The following DLGAP1 variants were observed in gnomAD, a reference collection of about 807,000 sequenced individuals.
DLGAP1 encodes disks large-associated protein 1.
DLGAP1 carries 11 observed loss-of-function variants against 90.8 expected under a neutral mutation model. That is an observed-to-expected ratio of 0.12 (90% CI 0.08 to 0.20). The LOEUF is 0.20. DLGAP1 is among the 10% of genes least tolerant of loss of function. The pLI is 1.00. For missense variants in DLGAP1, 1,050 were observed against 1,333.8 expected (o/e 0.79, Z 3.31); for synonymous variants, 558 against 540.7 (o/e 1.03, Z -0.44).
chr18:4,058,342 A>G (rs914184766), intron 2 of DLGAP1, among the ~76,000 whole-genome samples: 1 of 152,142 alleles, frequency 6.6e-6, no homozygotes, highest in African/African-American at 2.4e-5. Flanking sequence ...ACTCCCTTTC[A>G]TATGTCTGTT....
chr18:4,206,548 G>A (rs912752264), intron 1 of DLGAP1, among the ~76,000 whole-genome samples: 25 of 152,152 alleles, frequency 1.6e-4, no homozygotes, highest in African/African-American at 5.8e-4. Context: ...AAGAAACCGT[G>A]TCTTCCAGTC....
intron 4 of DLGAP1, among the ~76,000 whole-genome samples, chr18:3,872,230 A>G (rs2070796116): frequency 2.1e-5 from 3 of 145,264 alleles, no homozygotes; most frequent in South Asian, 4.2e-4. Flanking sequence ...CAAGACAAAA[A>G]AAAAAAAAAA....
intron 3 of DLGAP1, among the ~76,000 whole-genome samples, chr18:3,916,730 C>T (rs752343723): frequency 6.6e-6 from 1 of 152,170 alleles, no homozygotes; most frequent in Non-Finnish European, 1.5e-5. Flanking sequence ...TTAGGCTTCA[C>T]CGCCTCCTAC....
At chr18:3,657,663 C>T (rs187699745) in intron 7 of DLGAP1, among the ~76,000 whole-genome samples, 1,810 of 146,822 alleles carry the variant, frequency 0.012, 41 homozygotes, top group African/African-American at 0.043. Flanking sequence ...AGTGCAGTGG[C>T]GCGATCTCGG....
chr18:3,596,663 C>T (rs1024562601), intron 7 of DLGAP1: 3 of 351,064 alleles, frequency 8.5e-6, no homozygotes, highest in Non-Finnish European at 1.1e-5. Flanking sequence ...CCACAGCACA[C>T]GCGTGGCTCA....
chr18:3,864,991 T>C (rs918792623), intron 4 of DLGAP1, among the ~76,000 whole-genome samples: 1 of 152,038 alleles, frequency 6.6e-6, no homozygotes, highest in East Asian at 1.9e-4. Flanking sequence ...CTGGGATATA[T>C]GAGGCTCATG....
chr18:4,340,238 C>A (rs62085608), intron 1 of DLGAP1, among the ~76,000 whole-genome samples: 10,900 of 152,084 alleles, frequency 0.072, 416 homozygotes, highest in Non-Finnish European at 0.081. Flanking sequence ...GATAGTTGGT[C>A]TGATAACTGA....
intron 1 of DLGAP1, among the ~76,000 whole-genome samples, chr18:4,382,520 G>A (rs1252700079): frequency 1.4e-5 from 2 of 143,252 alleles, no homozygotes; most frequent in Non-Finnish European, 3.0e-5. Flanking sequence ...TTACTTCTTG[G>A]TATGAAACTG....
chr18:4,037,054 C>A (rs2074899900), intron 2 of DLGAP1, among the ~76,000 whole-genome samples: 1 of 152,104 alleles, frequency 6.6e-6, no homozygotes, highest in African/African-American at 2.4e-5. Flanking sequence ...GCCACAGACT[C>A]TTTGCTCATT....
intron 2 of DLGAP1, among the ~76,000 whole-genome samples, chr18:4,118,581 TG>T (rs1380665939): frequency 6.6e-6 from 1 of 152,026 alleles, no homozygotes; most frequent in East Asian, 1.9e-4. Context: ...TTCTGTAAAA[TG>T]GGGCTGGAAG....
intron 4 of DLGAP1, among the ~76,000 whole-genome samples, chr18:3,854,981 T>C (rs558686447): frequency 6.6e-6 from 1 of 152,308 alleles, no homozygotes; most frequent in Admixed American, 6.5e-5. Context: ...CTCAAAGTCC[T>C]GTTCTTAAAG....
intron 3 of DLGAP1, chr18:3,977,847 C>A: frequency 2.6e-6 from 1 of 391,042 alleles, no homozygotes; most frequent in South Asian, 2.0e-5. Flanking sequence ...CCTCAAGGGT[C>A]CCCTCTGATG....
intron 7 of DLGAP1, among the ~76,000 whole-genome samples, chr18:3,614,852 GA>G (rs397967909): frequency 1.6e-3 from 225 of 138,136 alleles, no homozygotes; most frequent in Middle Eastern, 7.5e-3. Flanking sequence ...TCTGTCTCAA[GA>G]AAAAAAAAAA....
intron 10 of DLGAP1, among the ~76,000 whole-genome samples, chr18:3,513,120 C>A (rs1189214193): frequency 3.3e-5 from 5 of 152,182 alleles, no homozygotes; most frequent in African/African-American, 1.2e-4. Context: ...CAGAATCATG[C>A]AGCATTTGTT....
chr18:3,899,454 G>T (rs150471753), intron 3 of DLGAP1, among the ~76,000 whole-genome samples: 1 of 152,266 alleles, frequency 6.6e-6, no homozygotes, highest in African/African-American at 2.4e-5. Flanking sequence ...AGTGGCTTTG[G>T]GCAACAGCAA....
intron 1 of DLGAP1, among the ~76,000 whole-genome samples, chr18:4,326,989 CCCTGGACCTAAA>C (rs1255513368): frequency 6.6e-6 from 1 of 151,950 alleles, no homozygotes; most frequent in African/African-American, 2.4e-5. Context: ...GCACATGTAC[CCCTGGACCTAAA>C]GTCACATTTA....
At chr18:3,709,103 T>C (rs962292199) in intron 7 of DLGAP1, among the ~76,000 whole-genome samples, 1 of 152,218 alleles carries the variant, frequency 6.6e-6, no homozygotes, top group African/African-American at 2.4e-5. Context: ...GGAAAAAACA[T>C]AGTCCTTCCT....
chr18:3,853,729 A>C (rs1313734671), intron 4 of DLGAP1, among the ~76,000 whole-genome samples: 1 of 152,062 alleles, frequency 6.6e-6, no homozygotes, highest in Non-Finnish European at 1.5e-5. Context: ...TCCAATGAGC[A>C]TTTCCTTTGA....
chr18:4,224,967 T>TC (rs1257202572), intron 1 of DLGAP1, among the ~76,000 whole-genome samples: 7 of 151,350 alleles, frequency 4.6e-5, no homozygotes, highest in African/African-American at 1.7e-4. Flanking sequence ...ATGTCACTGC[T>TC]CCCCCAGCTT....
Sources: allele counts gnomAD v4.1 joint callset (sites outside exome capture counted in the v4.1 genomes callset), GRCh38; gene constraint gnomAD v4.1.1; transcripts MANE v1.5; gene names NCBI Gene and HGNC (gene_info 2026-07-23, HGNC 2026-07-21).